The following NOSTRIN variants were observed in gnomAD, a reference collection of about 807,000 sequenced individuals.
The protein encoded by NOSTRIN is BM247 homolog.
Under a neutral mutation model 59.0 loss-of-function variants are expected in NOSTRIN, and 63 were observed. The ratio of observed to expected loss-of-function variants is 1.07; its 90% CI spans 0.87 to 1.32. NOSTRIN has a LOEUF of 1.32. Ranked by LOEUF, NOSTRIN falls within the 40% of genes most tolerant of loss-of-function variation. The pLI is 0.00. For missense variants in NOSTRIN, 512 were observed against 473.1 expected (o/e 1.08, Z -0.76); for synonymous variants, 200 against 165.4 (o/e 1.21, Z -1.61).
At chr2:168,808,983 G>A (rs926213380) in intron 1 of NOSTRIN, among the ~76,000 whole-genome samples, 1 of 152,156 alleles carries the variant, frequency 6.6e-6, no homozygotes, top group Non-Finnish European at 1.5e-5. Flanking sequence ...AGTACATAAT[G>A]TGTATTATTA....
At chr2:168,804,270 C>T (rs1239384662) in intron 1 of NOSTRIN, among the ~76,000 whole-genome samples, 1 of 152,138 alleles carries the variant, frequency 6.6e-6, no homozygotes, top group Non-Finnish European at 1.5e-5. Context: ...CTGAATAGTT[C>T]CTTGTGCTAT....
intron 14 of NOSTRIN, 80 bp downstream of exon 14, chr2:168,860,989 C>G (rs1399443538): frequency 1.2e-6 from 1 of 846,188 alleles, no homozygotes; most frequent in Non-Finnish European, 2.0e-6. Flanking sequence ...AGTTTCAGAG[C>G]CACTTTGACC....
chr2:168,856,170 A>C (rs114197404), intron 11 of NOSTRIN: 1 of 226,138 alleles, frequency 4.4e-6, no homozygotes, highest in Non-Finnish European at 8.8e-6. Flanking sequence ...AAGATGCTTT[A>C]AGCACCAGCA....
rs763852206 is a variant in NOSTRIN, at chr2:168,831,453, C to T, written c.343-19C>T. 1 of 860,580 alleles carries T rather than the reference C, an allele frequency of 1.2e-6. No individual in the cohort carries two copies. Among genetic ancestry groups the T allele is most frequent in the East Asian group, 2.4e-5 (1 of 41,522 alleles). 53.3% of individuals were successfully genotyped at this position (860,580 alleles called of 1,614,324 possible). On this transcript the variant is annotated intron_variant, in intron 5 of 15. Coordinates refer to ENST00000317647, the MANE Select transcript of NOSTRIN (RefSeq NM_001039724.4). ...CAAGAAGAAAGCAAAGCTTTGTTTC[C>T]TTTTTCCTTTTTCAATAGCTTGACA... is the stretch of plus-strand genomic sequence containing the variant.
At chr2:168,796,374 C>G (rs1685479943), upstream of NOSTRIN, among the ~76,000 whole-genome samples, 1 of 152,246 alleles carries the variant, frequency 6.6e-6, no homozygotes, top group Non-Finnish European at 1.5e-5. Context: ...CTGCTCCCAC[C>G]TGACCCCTTA....
intron 14 of NOSTRIN, 116 bp downstream of exon 14, chr2:168,861,025 T>G: frequency 1.5e-6 from 1 of 664,898 alleles, no homozygotes; most frequent in Non-Finnish European, 2.7e-6. Flanking sequence ...AAATTTATAT[T>G]TCCATTGGGA....
intron 2 of NOSTRIN, among the ~76,000 whole-genome samples, chr2:168,817,742 G>A (rs961679724): frequency 1.3e-5 from 2 of 152,154 alleles, no homozygotes; most frequent in Admixed American, 1.3e-4. Flanking sequence ...CTCAAGAAGG[G>A]CATCATTCAG....
chr2:168,789,591 G>C (rs756797937), intron 2 of NOSTRIN, among the ~76,000 whole-genome samples: 1 of 152,158 alleles, frequency 6.6e-6, no homozygotes, highest in Non-Finnish European at 1.5e-5. Context: ...GATCCAAACC[G>C]TATCAGCTGG....
chr2:168,817,711 G>A (rs1296481478), intron 2 of NOSTRIN, among the ~76,000 whole-genome samples: 4 of 152,170 alleles, frequency 2.6e-5, no homozygotes, highest in African/African-American at 9.7e-5. Context: ...CCGGGGCTCA[G>A]TGAGACTCCC....
Position 168,860,926 on chromosome 2 carries a change from A to C in NOSTRIN, c.1294+17A>C. 6.4e-7 allele frequency: 1 copy of C among 1,564,348 alleles called. No homozygotes were observed. The highest frequency in any genetic ancestry group is 8.8e-7 in the Non-Finnish European group (1 of 1,134,984). The stretch of plus-strand genomic sequence containing the variant: ...CAACTCCAGGTAATCCCATGCCCAC[A>C]ATCATTTTGGCCTGGGTCCTACTGG... On this transcript the variant is annotated intron_variant, in intron 14 of 15. Transcript: ENST00000317647.
At chr2:168,832,895 T>C (rs1287842437) in intron 6 of NOSTRIN, among the ~76,000 whole-genome samples, 1 of 152,078 alleles carries the variant, frequency 6.6e-6, no homozygotes, top group African/African-American at 2.4e-5. Flanking sequence ...GTGTAGGGAT[T>C]ACAGGGATGA....
At chr2:168,811,060 A>G (rs1248663617) in intron 1 of NOSTRIN, among the ~76,000 whole-genome samples, 1 of 152,232 alleles carries the variant, frequency 6.6e-6, no homozygotes, top group Non-Finnish European at 1.5e-5. Flanking sequence ...CTGGAATTAA[A>G]TGAGACAGAG....
chr2:168,787,801 G>A (rs1015530542), intron 1 of NOSTRIN: 1 of 152,142 alleles, frequency 6.6e-6, no homozygotes, highest in African/African-American at 2.4e-5. Context: ...AACAAAAATT[G>A]GAAGTAGAAG....
Position 168,818,849 on chromosome 2 carries a change from A to G in NOSTRIN, c.114-5785A>G, listed in dbSNP as rs200937658. On this transcript the variant is annotated intron_variant, in intron 2 of 15. Coordinates refer to ENST00000317647, the MANE Select transcript of NOSTRIN (RefSeq NM_001039724.4). ...TTTTAGCATATTAAAAAATTTTTTT[A>G]ATTTTTAATTTTTGTGGGTATATAG... Among the ~76,000 whole-genome samples the G allele has an allele frequency of 5.5e-5, 8 of 144,364 alleles. No individual in the cohort carries two copies. The South Asian group carries it at 1.8e-3, about 33-fold the overall frequency. The allele number at this position is 144,364 out of a possible 152,430, so 94.7% of individuals were successfully genotyped here. A position where few individuals can be genotyped will look rare whatever the true frequency, so the allele number is the denominator to read the frequency against.
rs756381301 is a variant in NOSTRIN at position 168,834,507 on chromosome 2, G to GCGCGCGCACACACACACACA, written c.504+183_504+184insGCGCGCACACACACACACAC. ...TACTGGCGTGCGCGCGCGCGCGCGC[G>GCGCGCGCACACACACACACA]CACACACACACACACACACACACAC... On this transcript the variant is annotated intron_variant, in intron 7 of 15. Coordinates refer to ENST00000317647, the MANE Select transcript of NOSTRIN (RefSeq NM_001039724.4). Among the ~76,000 whole-genome samples the GCGCGCGCACACACACACACA allele has an allele frequency of 5.6e-4, 70 of 125,430 alleles. No homozygotes were observed. In the Middle Eastern group the frequency reaches 0.013, roughly 22 times the overall value. The allele number at this position is 125,430 out of a possible 152,430, so 82.3% of individuals were successfully genotyped here. A position where few individuals can be genotyped will look rare whatever the true frequency, so the allele number is the denominator to read the frequency against.
At chr2:168,843,387 T>G (rs1167117603) in intron 8 of NOSTRIN, among the ~76,000 whole-genome samples, 3 of 152,218 alleles carry the variant, frequency 2.0e-5, no homozygotes, top group Non-Finnish European at 4.4e-5. Context: ...CAAAAAGTGC[T>G]GTCAAAGTGA....
intron 7 of NOSTRIN, among the ~76,000 whole-genome samples, 188 bp downstream of exon 7, chr2:168,834,513 A>ACACG (rs750626575): frequency 8.5e-5 from 12 of 141,760 alleles, no homozygotes; most frequent in African/African-American, 3.1e-4. Flanking sequence ...GCGCGCACAC[A>ACACG]CACACACACA....
Position 168,862,870 on chromosome 2 carries a change from C to T in NOSTRIN, c.1384+821C>T, listed in dbSNP as rs1008228157. 4.6e-5 allele frequency among the ~76,000 whole-genome samples: 7 copies of T among 152,148 alleles called. No homozygotes were observed. In the South Asian group the frequency reaches 6.2e-4, roughly 14 times the overall value. On this transcript the variant is annotated intron_variant, in intron 15 of 15. Coordinates refer to ENST00000317647, the MANE Select transcript of NOSTRIN (RefSeq NM_001039724.4). ...GTTATGGGAGAAAGAATATTATCCACGACAAGGACATGGCTCCCAGAGCCA... is the reference window on the plus strand; with the variant it reads ...GTTATGGGAGAAAGAATATTATCCATGACAAGGACATGGCTCCCAGAGCCA...
chr2:168,863,301 C>A, intron 15 of NOSTRIN: 1 of 600,854 alleles, frequency 1.7e-6, no homozygotes, highest in Non-Finnish European at 2.1e-6. Context: ...AGAATAATGT[C>A]CTTTAAGAAT....
Sources: gnomAD v4.1 joint callset for allele counts (sites outside exome capture counted in the v4.1 genomes callset) on GRCh38, gnomAD v4.1.1 for gene constraint, MANE v1.5 for transcripts, NCBI Gene and HGNC (gene_info 2026-07-23, HGNC 2026-07-21) for gene names.